The following PPA1 variants were observed in gnomAD, a reference collection of about 807,000 sequenced individuals.
The protein encoded by PPA1 is inorganic pyrophosphatase.
Under a neutral mutation model 41.8 loss-of-function variants are expected in PPA1, and 23 were observed. That is an observed-to-expected ratio of 0.55 (90% CI 0.40 to 0.78). The LOEUF (loss-of-function observed/expected upper bound fraction) is 0.78. PPA1 is among the 30% of genes least tolerant of loss of function. PPA1 has a pLI of 0.00. For synonymous variants in PPA1, 101 were observed against 116.8 expected (o/e 0.86, Z 0.87); for missense variants, 320 against 361.6 (o/e 0.89, Z 0.93).
At position 70,213,540 on chromosome 10, in the gene PPA1, G is replaced by C. The variant is rs752004416; in HGVS notation, c.434C>G (p.Ala145Gly). Residue 145 changes from alanine (A) to glycine (G), a missense_variant, in exon 6 of 11, where the codon GCT (alanine) becomes GGT (glycine). Physicochemically the swap from Ala to Gly is moderately conservative, Grantham distance 60 (BLOSUM62 0). Coordinates refer to ENST00000373232, the MANE Select transcript of PPA1 (RefSeq NM_021129.4). ...GTCGGTTTCCCCTTCGTCAATCATA[G>C]CCAATATGCCTAGAACTTTCACGCC... is the stretch of plus-strand genomic sequence containing the variant. ...IIGVKVLGIL[A>G]MIDEGETDWK... 1.9e-6 allele frequency: 3 copies of C among 1,613,932 alleles called. No homozygotes were observed. In the South Asian group the frequency reaches 3.3e-5, roughly 18 times the overall value.
At chr10:70,207,181 A>G (rs1839955312) in intron 8 of PPA1, among the ~76,000 whole-genome samples, 1 of 152,152 alleles carries the variant, frequency 6.6e-6, no homozygotes, top group Non-Finnish European at 1.5e-5. Flanking sequence ...TCCAATACTG[A>G]AACGGTAATT....
At chr10:70,213,683 G>C in intron 5 of PPA1, 94 bp from the exon 6 acceptor site, 1 of 1,403,112 alleles carries the variant, frequency 7.1e-7, no homozygotes, top group South Asian at 1.4e-5. Context: ...AAGAGGCCAA[G>C]TTCTTGAGAA....
At chr10:70,218,003 T>C in intron 3 of PPA1, 72 bp from the exon 4 acceptor site, 1 of 1,308,406 alleles carries the variant, frequency 7.6e-7, no homozygotes, top group East Asian at 2.4e-5. Context: ...TCTGAGGAAA[T>C]GAATTATGGT....
At chr10:70,220,341 C>A (rs1300955747) in intron 2 of PPA1, among the ~76,000 whole-genome samples, 5 of 144,730 alleles carry the variant, frequency 3.5e-5, no homozygotes, top group Non-Finnish European at 7.5e-5. Flanking sequence ...AAGCCTCAAC[C>A]ACCCTGGCTC....
intron 3 of PPA1, 107 bp downstream of exon 3, chr10:70,218,657 G>C: frequency 2.3e-6 from 2 of 868,192 alleles, no homozygotes; most frequent in Non-Finnish European, 3.7e-6. Flanking sequence ...ACTGGGACCA[G>C]ACAGAGAAAA....
chr10:70,219,512 CT>C (rs1840112042), intron 2 of PPA1, among the ~76,000 whole-genome samples: 1 of 152,170 alleles, frequency 6.6e-6, no homozygotes, highest in Admixed American at 6.5e-5. Flanking sequence ...AGCCTAATTA[CT>C]TGGTCATACT....
At chr10:70,220,657 ATTATAT>A (rs1840137068) in intron 2 of PPA1, among the ~76,000 whole-genome samples, 1 of 3,044 alleles carries the variant, frequency 3.3e-4, no homozygotes, top group Admixed American at 7.7e-3. Flanking sequence ...TTATATATAT[ATTATAT>A]ATAATTTATA....
chr10:70,214,646 A>G, intron 4 of PPA1, 60 bp from the exon 5 acceptor site: 1 of 1,333,436 alleles, frequency 7.5e-7, no homozygotes, highest in Non-Finnish European at 1.1e-6. Context: ...GATCATGTTG[A>G]GAATAACAGA....
intron 4 of PPA1, among the ~76,000 whole-genome samples, chr10:70,217,121 G>A (rs1840089749): frequency 2.0e-5 from 3 of 151,158 alleles, no homozygotes; most frequent in Admixed American, 2.0e-4. Flanking sequence ...TCACGCCACT[G>A]CACTCCAGCC....
At chr10:70,205,361 G>A (rs1300919748) in intron 9 of PPA1, 1 of 147,334 alleles carries the variant, frequency 6.8e-6, no homozygotes, top group African/African-American at 2.6e-5. Context: ...GGGCAACAGA[G>A]CGAGACTTGT....
At position 70,209,697 on chromosome 10, in the gene PPA1, A is replaced by T; in HGVS notation, c.512-12T>A. 1 of 1,575,508 alleles carries T rather than the reference A, an allele frequency of 6.3e-7. No homozygotes were observed. The highest frequency in any genetic ancestry group is 8.6e-7 in the Non-Finnish European group (1 of 1,156,750). ...GACATCATTGATATCTAAGAAGAGA[A>T]GAAGCATAAGATGACAGTGAGAATG... On this transcript the variant is annotated splice_polypyrimidine_tract_variant and intron_variant, in intron 6 of 10. Coordinates refer to ENST00000373232, the MANE Select transcript of PPA1 (RefSeq NM_021129.4).
chr10:70,210,084 C>CTTT, intron 6 of PPA1: 13 of 262,244 alleles, frequency 5.0e-5, no homozygotes, highest in Middle Eastern at 1.4e-3. Context: ...CAGAGGTTAT[C>CTTT]TTTTTTTTTT....
At chr10:70,214,447 G>T in intron 5 of PPA1, 53 bp downstream of exon 5, 3 of 1,392,348 alleles carry the variant, frequency 2.2e-6, no homozygotes, top group Non-Finnish European at 3.0e-6. Context: ...ATGAAATTTG[G>T]TATACTTCAT....
chr10:70,222,008 AC>A (rs1211708686), intron 2 of PPA1, among the ~76,000 whole-genome samples: 3 of 152,146 alleles, frequency 2.0e-5, no homozygotes, highest in African/African-American at 7.2e-5. Context: ...TCTGCTGCGA[AC>A]AAAAGCTTGA....
At chr10:70,209,495 A>G (rs1839990171) in intron 7 of PPA1, 63 bp downstream of exon 7, 1 of 1,511,728 alleles carries the variant, frequency 6.6e-7, no homozygotes, top group Non-Finnish European at 8.9e-7. Flanking sequence ...TGGTAACAAT[A>G]TGGTTAAATT....
chr10:70,204,286 G>C (rs911048990), intron 10 of PPA1: 5 of 152,200 alleles, frequency 3.3e-5, no homozygotes, highest in African/African-American at 4.8e-5. Context: ...CAGCTATTTG[G>C]GAGGCTGAGA....
At chr10:70,229,656 T>C (rs748389044) in intron 2 of PPA1, among the ~76,000 whole-genome samples, 4 of 152,248 alleles carry the variant, frequency 2.6e-5, no homozygotes, top group Non-Finnish European at 2.9e-5. Context: ...TTGAATAATC[T>C]AGTTTACTTT....
chr10:70,226,550 TA>T (rs879372623), intron 2 of PPA1, among the ~76,000 whole-genome samples: 107 of 144,756 alleles, frequency 7.4e-4, no homozygotes, highest in Admixed American at 9.8e-4. Context: ...GACCCTGTCT[TA>T]AAAAAAAAAA....
intron 10 of PPA1, 120 bp from the exon 11 acceptor site, chr10:70,203,306 TTAAC>T (rs1421316705): frequency 2.3e-6 from 2 of 875,072 alleles, no homozygotes; most frequent in Admixed American, 4.7e-5. Context: ...TACCTGAAAA[TTAAC>T]AGGCATACAT....
Sources: allele counts gnomAD v4.1 joint callset (sites outside exome capture counted in the v4.1 genomes callset), GRCh38; gene constraint gnomAD v4.1.1; transcripts MANE v1.5; gene names NCBI Gene and HGNC (gene_info 2026-07-23, HGNC 2026-07-21).